The following ATOH8 variants were observed in gnomAD, a reference collection of about 807,000 sequenced individuals.
The protein encoded by ATOH8 is transcription factor ATOH8.
Under a neutral mutation model 21.2 loss-of-function variants are expected in ATOH8, and 9 were observed. That is an observed-to-expected ratio of 0.42 (90% CI 0.26 to 0.74). The LOEUF is 0.74. ATOH8 is among the 30% of genes least tolerant of loss of function. The pLI, the probability that ATOH8 is intolerant of heterozygous loss-of-function variation, is 0.24. For synonymous variants in ATOH8, 253 were observed against 224.0 expected (o/e 1.13, Z -1.16); for missense variants, 524 against 470.9 (o/e 1.11, Z -1.04).
chr2:85,773,722 G>T (rs892227378), intron 2 of ATOH8: 7 of 152,198 alleles, frequency 4.6e-5, no homozygotes, highest in African/African-American at 1.7e-4. Flanking sequence ...TCACATTTGG[G>T]GCTTTGGAGG....
chr2:85,766,346 C>G lies in ATOH8; in HGVS notation c.960+2164C>G, dbSNP rs1038641812. ...CCTCTCCACCCTCCCTCCCCCACAC[C>G]CAGCCCGGGCCTGAGGGCACTTCCT... On this transcript the variant is annotated intron_variant, in intron 2 of 2. Transcript: ENST00000306279. The surrounding 1 kb of genome is among the most constrained non-coding windows in gnomAD (Gnocchi z 4.0). 6.6e-5 allele frequency among the ~76,000 whole-genome samples: 10 copies of G among 152,134 alleles called. No homozygotes were observed. The highest frequency in any genetic ancestry group is 9.6e-5 in the African/African-American group (4 of 41,482).
At chr2:85,772,847 C>T (rs558498785) in intron 2 of ATOH8, 1 of 455,392 alleles carries the variant, frequency 2.2e-6, no homozygotes, top group East Asian at 7.0e-5. Flanking sequence ...TTGTTTCTTC[C>T]TCTTCTCACA....
Position 85,754,960 on chromosome 2 carries a change from A to G in ATOH8, c.768+3A>G. 1.3e-6 allele frequency: 2 copies of G among 1,583,922 alleles called. No homozygotes were observed. The highest frequency in any genetic ancestry group is 2.3e-5 in the South Asian group (2 of 88,854). On this transcript the variant is annotated splice_donor_region_variant and intron_variant, in intron 1 of 2. Coordinates refer to ENST00000306279, the MANE Select transcript of ATOH8 (RefSeq NM_032827.7). ...CCTTCGAGGCGCTCAGGAAGCAGGT[A>G]CCCGCTCGCCGCCGCACGCCCTCAC...
chr2:85,754,988 C>T (rs773693435), intron 1 of ATOH8, 31 bp downstream of exon 1: 2 of 1,552,458 alleles, frequency 1.3e-6, no homozygotes, highest in Admixed American at 1.9e-5. Flanking sequence ...GCCCTCACTG[C>T]GCCGGGGGAC....
intron 2 of ATOH8, among the ~76,000 whole-genome samples, chr2:85,767,584 T>TACCTC (rs1680054901): frequency 9.7e-6 from 1 of 102,714 alleles, no homozygotes; most frequent in Non-Finnish European, 2.0e-5. Context: ...CCCCTCTCCT[T>TACCTC]CCCTTCCCTT....
At chr2:85,757,386 C>T (rs1282941051) in intron 1 of ATOH8, among the ~76,000 whole-genome samples, 2 of 152,220 alleles carry the variant, frequency 1.3e-5, no homozygotes, top group African/African-American at 2.4e-5. Flanking sequence ...ACCCCCTCCC[C>T]GAATCCAGAC....
chr2:85,766,313 G>A lies in ATOH8; in HGVS notation c.960+2131G>A, dbSNP rs1680013942. Reference sequence around the variant, plus strand: ...GATGGAAGTTCCAGGGTAGGAACTCGACTGTTTCCTCTCCACCCTCCCTCC... The same window carrying A: ...GATGGAAGTTCCAGGGTAGGAACTCAACTGTTTCCTCTCCACCCTCCCTCC... On this transcript the variant is annotated intron_variant, in intron 2 of 2. Coordinates refer to ENST00000306279, the MANE Select transcript of ATOH8 (RefSeq NM_032827.7). The surrounding 1 kb of genome is among the most constrained non-coding windows in gnomAD (Gnocchi z 4.0). Among the ~76,000 whole-genome samples, 1 of 151,988 alleles carries A rather than the reference G, an allele frequency of 6.6e-6. No individual in the cohort carries two copies. Among genetic ancestry groups the A allele is most frequent in the Non-Finnish European group, 1.5e-5 (1 of 67,976 alleles).
rs1680691281 is a variant in ATOH8, at chr2:85,788,776, G to A, written c.*1886G>A. Reference sequence around the variant, plus strand: ...GCTGGGCTGGGGCTGGCTGCAGGGAGCCCCCCTTGCAGTAGCGTTTCTCAG... The same window carrying A: ...GCTGGGCTGGGGCTGGCTGCAGGGAACCCCCCTTGCAGTAGCGTTTCTCAG... On this transcript the variant is annotated 3_prime_UTR_variant, in exon 3 of 3. Transcript: ENST00000306279. Among the ~76,000 whole-genome samples the A allele has an allele frequency of 6.6e-6, 1 of 152,172 alleles. No individual in the cohort carries two copies.
chr2:85,770,966 C>T (rs1383501453), intron 2 of ATOH8, among the ~76,000 whole-genome samples: 5 of 152,124 alleles, frequency 3.3e-5, no homozygotes, highest in Admixed American at 2.0e-4. Flanking sequence ...CCCTCTGATG[C>T]CCTAACTGAC....
chr2:85,769,706 C>A (rs955922311), intron 2 of ATOH8, among the ~76,000 whole-genome samples: 13 of 152,092 alleles, frequency 8.5e-5, no homozygotes, highest in African/African-American at 3.1e-4. Flanking sequence ...GTAGGAGGGG[C>A]CCCCTTCTGT....
intron 2 of ATOH8, among the ~76,000 whole-genome samples, chr2:85,781,760 C>T (rs986975078): frequency 3.3e-5 from 5 of 151,586 alleles, no homozygotes; most frequent in African/African-American, 4.8e-5. Context: ...AGCCTGTGGT[C>T]CCAGGTATAC....
rs752788861 is a variant in ATOH8, at chr2:85,764,098, C to T, written c.876C>T (p.Ala292=). 9.9e-6 allele frequency: 16 copies of T among 1,614,172 alleles called. No individual in the cohort carries two copies. In the East Asian group the frequency reaches 1.8e-4, roughly 18 times the overall value. The part of the protein sequence containing the change: ...LARLADLDYS[A]DHSNLSFSEC... ...GGCTGGCTGACCTTGACTACAGTGCCGACCACAGCAACCTCAGCTTCTCCG... is the reference window on the plus strand; with the variant it reads ...GGCTGGCTGACCTTGACTACAGTGCTGACCACAGCAACCTCAGCTTCTCCG... Residue 292 remains alanine, a synonymous_variant, in exon 2 of 3, where the codon GCC becomes GCT. Coordinates refer to ENST00000306279, the MANE Select transcript of ATOH8 (RefSeq NM_032827.7).
chr2:85,765,308 C>A (rs1679981660), intron 2 of ATOH8, among the ~76,000 whole-genome samples: 1 of 152,244 alleles, frequency 6.6e-6, no homozygotes, highest in Non-Finnish European at 1.5e-5. Flanking sequence ...CCCTTTCCAG[C>A]AGGCCCCTCT....
At chr2:85,757,646 G>C (rs2104495438) in intron 1 of ATOH8, among the ~76,000 whole-genome samples, 1 of 152,272 alleles carries the variant, frequency 6.6e-6, no homozygotes, top group Non-Finnish European at 1.5e-5. Flanking sequence ...CTGTGTGGCT[G>C]TGGACAAGTC....
chr2:85,767,373 C>A (rs1028668128), intron 2 of ATOH8, among the ~76,000 whole-genome samples: 8 of 151,940 alleles, frequency 5.3e-5, no homozygotes, highest in African/African-American at 1.9e-4. Flanking sequence ...TGCCACACCA[C>A]AGCCTGGGAG....
intron 1 of ATOH8, among the ~76,000 whole-genome samples, chr2:85,759,043 T>G (rs1300564446): frequency 6.6e-6 from 1 of 152,192 alleles, no homozygotes; most frequent in East Asian, 1.9e-4. Flanking sequence ...GGGCCCCGGC[T>G]TCTGCCGTGG....
At chr2:85,767,791 C>T (rs1680063742) in intron 2 of ATOH8, among the ~76,000 whole-genome samples, 1 of 152,176 alleles carries the variant, frequency 6.6e-6, no homozygotes, top group Non-Finnish European at 1.5e-5. Flanking sequence ...TTCTAGCCAT[C>T]AGGGGCCATC....
chr2:85,788,289 TGAG>T lies in ATOH8; in HGVS notation c.*1403_*1405del, dbSNP rs1377007975. Among the ~76,000 whole-genome samples, 7 of 151,966 alleles carry T rather than the reference TGAG, an allele frequency of 4.6e-5. No homozygotes were observed. The highest frequency in any genetic ancestry group is 8.8e-5 in the Non-Finnish European group (6 of 67,994). On this transcript the variant is annotated 3_prime_UTR_variant, in exon 3 of 3. Coordinates refer to ENST00000306279, the MANE Select transcript of ATOH8 (RefSeq NM_032827.7). ...ACCAGGAGGCCTGGTCAGGAACACATGAGGAGCCCTCTCTGTCCGCACTGCACT... is the reference window on the plus strand; with the variant it reads ...ACCAGGAGGCCTGGTCAGGAACACATGAGCCCTCTCTGTCCGCACTGCACT...
chr2:85,776,147 A>T (rs1174796615), intron 2 of ATOH8, among the ~76,000 whole-genome samples: 3 of 152,248 alleles, frequency 2.0e-5, no homozygotes, highest in African/African-American at 7.2e-5. Context: ...GATGAGGCGA[A>T]GTCGCCCAGG....
Sources: gnomAD v4.1 joint callset for allele counts (sites outside exome capture counted in the v4.1 genomes callset) on GRCh38, gnomAD v4.1.1 for gene constraint, Gnocchi (gnomAD v3.1) non-coding constraint, MANE v1.5 for transcripts, NCBI Gene and HGNC (gene_info 2026-07-23, HGNC 2026-07-21) for gene names.